Variants in PRKCQ observed in about 807,000 individuals in gnomAD.
PRKCQ encodes the protein protein kinase C theta type.
PRKCQ carries 41 observed loss-of-function variants against 91.2 expected under a neutral mutation model. That is an observed-to-expected ratio of 0.45 (90% confidence interval 0.35 to 0.58). The LOEUF (loss-of-function observed/expected upper bound fraction) is 0.58. PRKCQ is among the 20% of genes least tolerant of loss of function. The pLI, the probability that PRKCQ is intolerant of heterozygous loss-of-function variation, is 0.00. For synonymous variants in PRKCQ, 307 were observed against 316.9 expected, an observed-to-expected ratio of 0.97 and a Z score of 0.33; for missense variants, 673 against 896.5, an observed-to-expected ratio of 0.75 and a Z score of 3.18.
chr10:6,566,757 A>T (rs1271880746), intron 1 of PRKCQ, among the ~76,000 whole-genome samples: 1 of 152,094 alleles, frequency 6.6e-6, no homozygotes, highest in Admixed American at 6.5e-5. Flanking sequence ...GAACACACTG[A>T]TGACCAAGCA....
chr10:6,485,433 A>G (rs928549033), intron 9 of PRKCQ, among the ~76,000 whole-genome samples, 164 bp from the exon 10 acceptor site: 1 of 152,182 alleles, frequency 6.6e-6, no homozygotes, highest in Non-Finnish European at 1.5e-5. Flanking sequence ...ATTCTGGGAG[A>G]GTCTATCTAC....
intron 1 of PRKCQ, among the ~76,000 whole-genome samples, chr10:6,575,214 T>A (rs967614952): frequency 6.6e-6 from 1 of 152,178 alleles, no homozygotes; most frequent in African/African-American, 2.4e-5. Context: ...CCTGACCACA[T>A]CTCCCTGTGG....
chr10:6,403,680 G>T, the PRKCQ span, among the ~76,000 whole-genome samples: 4 of 152,116 alleles, frequency 2.6e-5, no homozygotes, highest in African/African-American at 9.7e-5. Context: ...TCTTATTATT[G>T]TGTCTGAGCA....
chr10:6,533,425 G>A (rs1336851681), intron 1 of PRKCQ, among the ~76,000 whole-genome samples: 1 of 152,098 alleles, frequency 6.6e-6, no homozygotes, highest in African/African-American at 2.4e-5. Context: ...TTGAACTCCT[G>A]ACCTCAGGTG....
At chr10:6,398,175 A>T in the PRKCQ span, among the ~76,000 whole-genome samples, 1 of 152,166 alleles carries the variant, frequency 6.6e-6, no homozygotes, top group African/African-American at 2.4e-5. Context: ...CCTTTGTTGA[A>T]AGTCGATGAC....
rs567933399 is a variant in PRKCQ, at chr10:6,570,680, G to A, written c.-10+9531C>T. 5.9e-5 allele frequency among the ~76,000 whole-genome samples: 9 copies of A among 151,750 alleles called. No individual in the cohort carries two copies. In the East Asian group the frequency reaches 1.2e-3, roughly 20 times the overall value. On this transcript the variant is annotated intron_variant, in intron 1 of 17. Transcript: ENST00000263125. ...AGCGATTCTCCTGCCTCAGCCTCCC[G>A]AGTAGCTGGGATTACAGGTATGCGC... is the stretch of plus-strand genomic sequence containing the variant.
At chr10:6,433,752 T>C (rs1269749918) in intron 16 of PRKCQ, among the ~76,000 whole-genome samples, 1 of 152,070 alleles carries the variant, frequency 6.6e-6, no homozygotes, top group African/African-American at 2.4e-5. Flanking sequence ...AAAGAGGGGC[T>C]GGGCACGGTG....
At position 6,568,020 on chromosome 10, in the gene PRKCQ, T is replaced by A. The variant is rs1231812842; in HGVS notation, c.-10+12191A>T. On this transcript the variant is annotated intron_variant, in intron 1 of 17. Coordinates refer to ENST00000263125, the MANE Select transcript of PRKCQ (RefSeq NM_006257.5). Reference sequence around the variant, plus strand: ...GTGGCGCAGGGGGTTGGGAGATCATTTGAGGTCAGGAGTTGGAGACCAGCC... The same window carrying A: ...GTGGCGCAGGGGGTTGGGAGATCATATGAGGTCAGGAGTTGGAGACCAGCC... Among the ~76,000 whole-genome samples the A allele has an allele frequency of 2.6e-5, 4 of 152,122 alleles. No homozygotes were observed. The East Asian group carries it at 5.8e-4, about 22-fold the overall frequency.
In PRKCQ at chr10:6,495,218, C is replaced by A. The variant is rs907715335; in HGVS notation, c.660+1817G>T. 3.9e-5 allele frequency among the ~76,000 whole-genome samples: 6 copies of A among 152,192 alleles called. No individual in the cohort carries two copies. The East Asian group carries it at 1.2e-3, about 29-fold the overall frequency. ...ACGCACTATTTCTACTACAGCATCC[C>A]AAAGTGGGCTTTCTACTACAAGTTG... On this transcript the variant is annotated intron_variant, in intron 7 of 17. Coordinates refer to ENST00000263125, the MANE Select transcript of PRKCQ (RefSeq NM_006257.5).
chr10:6,526,893 G>C (rs1449999624), intron 1 of PRKCQ, among the ~76,000 whole-genome samples: 1 of 152,184 alleles, frequency 6.6e-6, no homozygotes, highest in Non-Finnish European at 1.5e-5. Flanking sequence ...GAGACTACTG[G>C]GGGCGACTTC....
At chr10:6,486,243 A>G in intron 8 of PRKCQ, 99 bp from the exon 9 acceptor site, 1 of 963,738 alleles carries the variant, frequency 1.0e-6, no homozygotes, top group Non-Finnish European at 1.6e-6. Context: ...GATAGGGAGG[A>G]AAGCCTAAAG....
chr10:6,409,836 C>A, the PRKCQ span, among the ~76,000 whole-genome samples: 3 of 151,990 alleles, frequency 2.0e-5, no homozygotes, highest in Non-Finnish European at 4.4e-5. Flanking sequence ...ATTAAGATAG[C>A]AAGCTAAGAT....
chr10:6,441,069 A>G (rs544809022), intron 16 of PRKCQ, among the ~76,000 whole-genome samples: 1 of 152,350 alleles, frequency 6.6e-6, no homozygotes, highest in East Asian at 1.9e-4. Flanking sequence ...TCATAACATA[A>G]GAGTGACAAT....
chr10:6,459,636 C>T (rs1249072914), intron 14 of PRKCQ, among the ~76,000 whole-genome samples: 1 of 151,938 alleles, frequency 6.6e-6, no homozygotes, highest in Non-Finnish European at 1.5e-5. Flanking sequence ...CGAGGTGGGC[C>T]CTAAATCCAT....
chr10:6,568,883 T>C (rs777796398), intron 1 of PRKCQ, among the ~76,000 whole-genome samples: 2 of 152,048 alleles, frequency 1.3e-5, no homozygotes, highest in Non-Finnish European at 2.9e-5. Context: ...AATCACACCA[T>C]AGACAAGGGG....
intron 11 of PRKCQ, among the ~76,000 whole-genome samples, chr10:6,482,581 C>T (rs753852841): frequency 1.3e-5 from 2 of 152,128 alleles, no homozygotes; most frequent in Non-Finnish European, 2.9e-5. Flanking sequence ...TCCAGACCTG[C>T]GAGAACATGA....
At chr10:6,396,890 A>C in the PRKCQ span, among the ~76,000 whole-genome samples, 63,102 of 152,100 alleles carry the variant, frequency 0.41, 14,694 homozygotes, top group East Asian at 0.81. Context: ...AACATTTTAC[A>C]TTCCCAGCAG....
At chr10:6,561,370 A>G (rs796784196) in intron 1 of PRKCQ, among the ~76,000 whole-genome samples, 1,340 of 6,072 alleles carry the variant, frequency 0.22, 57 homozygotes, top group East Asian at 0.39. Context: ...ACCCTGTCTC[A>G]AAAAAAAAAA....
chr10:6,401,399 A>C, the PRKCQ span, among the ~76,000 whole-genome samples: 2 of 152,214 alleles, frequency 1.3e-5, no homozygotes, highest in Admixed American at 6.5e-5. Flanking sequence ...ATTTAAGGTC[A>C]ACAAACTTTA....
Sources: allele counts gnomAD v4.1 joint callset (sites outside exome capture counted in the v4.1 genomes callset), GRCh38; gene constraint gnomAD v4.1.1; transcripts MANE v1.5; gene names NCBI Gene and HGNC (gene_info 2026-07-23, HGNC 2026-07-21).